Variants in TMEM204 observed in about 807,000 individuals in gnomAD.
TMEM204 encodes claudin-like protein 24.
Under a neutral mutation model 19.4 loss-of-function variants are expected in TMEM204, and 15 were observed. The observed-to-expected ratio is 0.77, with a 90% CI of 0.52 to 1.19. The LOEUF (loss-of-function observed/expected upper bound fraction) is 1.19. Ranked by LOEUF, TMEM204 falls within the 50% of genes most tolerant of loss-of-function variation. TMEM204 has a pLI of 0.00. For synonymous variants in TMEM204, 161 were observed against 146.0 expected, an observed-to-expected ratio of 1.10 and a Z score of -0.74; for missense variants, 287 against 321.2, an observed-to-expected ratio of 0.89 and a Z score of 0.81.
At chr16:1,543,314 TC>T (rs1291695125) in intron 2 of TMEM204, among the ~76,000 whole-genome samples, 1 of 152,238 alleles carries the variant, frequency 6.6e-6, no homozygotes, top group African/African-American at 2.4e-5. Context: ...CCCTTATCTT[TC>T]TTAAGAAATA....
At chr16:1,548,509 G>A (rs1008979549) in intron 2 of TMEM204, among the ~76,000 whole-genome samples, 2 of 152,212 alleles carry the variant, frequency 1.3e-5, no homozygotes, top group African/African-American at 4.8e-5. Context: ...TTGATTCCAT[G>A]GGCAGAATTT....
At chr16:1,540,800 G>A (rs891390387) in intron 1 of TMEM204, 1 of 982,190 alleles carries the variant, frequency 1.0e-6, no homozygotes, top group African/African-American at 1.7e-5. Flanking sequence ...ACTTAGTTTT[G>A]GGAATCGAAT....
At chr16:1,535,488 T>G (rs1360811411) in intron 1 of TMEM204, among the ~76,000 whole-genome samples, 1 of 152,208 alleles carries the variant, frequency 6.6e-6, no homozygotes, top group Non-Finnish European at 1.5e-5. Flanking sequence ...GACTCGGGGT[T>G]GGACGCTCCT....
chr16:1,541,901 T>G lies in TMEM204; in HGVS notation c.281-20T>G. The G allele has an allele frequency of 6.4e-7, 1 of 1,573,500 alleles. No individual in the cohort carries two copies. Among genetic ancestry groups the G allele is most frequent in the Non-Finnish European group, 8.6e-7 (1 of 1,158,428 alleles). On this transcript the variant is annotated intron_variant, in intron 1 of 2. Transcript: ENST00000566264. ...GAGCCCACCTGCACTCACCACTGCC[T>G]CTCTGCTCTTGGCCCACAGTGCAGT...
intron 1 of TMEM204, among the ~76,000 whole-genome samples, chr16:1,535,719 C>T (rs966563722): frequency 8.5e-5 from 13 of 152,362 alleles, no homozygotes; most frequent in African/African-American, 1.9e-4. Flanking sequence ...CAAGGTCCCA[C>T]GAGGGAATTC....
At chr16:1,539,493 CAGGT>C (rs2031414421) in intron 1 of TMEM204, among the ~76,000 whole-genome samples, 1 of 152,278 alleles carries the variant, frequency 6.6e-6, no homozygotes, top group African/African-American at 2.4e-5. Context: ...CATGCTGAGC[CAGGT>C]CCTCACCTGC....
At chr16:1,540,909 G>C in intron 1 of TMEM204, 1 of 985,452 alleles carries the variant, frequency 1.0e-6, no homozygotes, top group South Asian at 4.7e-5. Context: ...TCCAGGCTGA[G>C]TGTCTGTCAG....
intron 2 of TMEM204, among the ~76,000 whole-genome samples, chr16:1,548,049 T>C (rs540029575): frequency 6.6e-6 from 1 of 152,326 alleles, no homozygotes; most frequent in African/African-American, 2.4e-5. Flanking sequence ...TCGTCTCTTC[T>C]TTCCCTTCCA....
rs2032614704 is a variant in TMEM204, at chr16:1,551,292, G to A, written c.437-3490G>A. 6.6e-6 allele frequency among the ~76,000 whole-genome samples: 1 copy of A among 152,156 alleles called. No individual in the cohort carries two copies. The highest frequency in any genetic ancestry group is 6.5e-5 in the Admixed American group (1 of 15,278). On this transcript the variant is annotated intron_variant, in intron 2 of 2. Transcript: ENST00000566264. The surrounding 1 kb of genome is among the most constrained non-coding windows in gnomAD (Gnocchi z 4.0). ...CACAATGACCACGGCTGGCAGGGGT[G>A]GGCAGGTGCAACTCTAAGCCGAGGC...
intron 2 of TMEM204, among the ~76,000 whole-genome samples, chr16:1,542,555 C>T (rs903404897): frequency 6.6e-5 from 10 of 152,240 alleles, no homozygotes; most frequent in African/African-American, 2.4e-4. Context: ...AAGGCCAAGG[C>T]ATGTGCTCTG....
intron 2 of TMEM204, among the ~76,000 whole-genome samples, chr16:1,548,639 A>G (rs1282637910): frequency 6.6e-6 from 1 of 152,114 alleles, no homozygotes; most frequent in Non-Finnish European, 1.5e-5. Flanking sequence ...ATCTTAATAT[A>G]AAGATGGTGG....
chr16:1,546,597 G>A (rs1335702225), intron 2 of TMEM204, among the ~76,000 whole-genome samples: 3 of 152,124 alleles, frequency 2.0e-5, no homozygotes, highest in Non-Finnish European at 2.9e-5. Flanking sequence ...CGCATCCCAC[G>A]TGCTCCCTGG....
chr16:1,540,216 A>G (rs1261834597), intron 1 of TMEM204, among the ~76,000 whole-genome samples: 1 of 152,220 alleles, frequency 6.6e-6, no homozygotes, highest in African/African-American at 2.4e-5. Flanking sequence ...GCCAGGTGGG[A>G]AGCAGATGCC....
intron 1 of TMEM204, among the ~76,000 whole-genome samples, chr16:1,539,312 C>A (rs1389099800): frequency 2.6e-5 from 4 of 151,368 alleles, no homozygotes; most frequent in Non-Finnish European, 5.9e-5. Context: ...ACGTCCCATG[C>A]CTTGGGCCTC....
chr16:1,555,270 C>G lies in TMEM204; in HGVS notation c.*244C>G. ...TCCTGGTTAGCGCAACGCGGCTCCA[C>G]GACCACACGCACTTCAGGGTGGAAG... On this transcript the variant is annotated 3_prime_UTR_variant, in exon 3 of 3. Transcript: ENST00000566264. 2.0e-6 allele frequency: 1 copy of G among 511,362 alleles called. No homozygotes were observed. The highest frequency in any genetic ancestry group is 3.5e-6 in the Non-Finnish European group (1 of 287,506). The allele number at this position is 511,362 out of a possible 1,614,324, so 31.7% of individuals were successfully genotyped here.
At chr16:1,546,178 A>T (rs1165833800) in intron 2 of TMEM204, among the ~76,000 whole-genome samples, 1 of 152,228 alleles carries the variant, frequency 6.6e-6, no homozygotes, top group Non-Finnish European at 1.5e-5. Context: ...AATGGAAGGT[A>T]AAAGGTCATT....
intron 1 of TMEM204, among the ~76,000 whole-genome samples, chr16:1,536,899 T>TA (rs1331980819): frequency 6.6e-6 from 1 of 152,218 alleles, no homozygotes; most frequent in Non-Finnish European, 1.5e-5. Flanking sequence ...GAGGGGCTGC[T>TA]ACCTGCCACC....
chr16:1,530,058 C>T (rs896618519), upstream of TMEM204, among the ~76,000 whole-genome samples: 7 of 151,888 alleles, frequency 4.6e-5, no homozygotes, highest in Admixed American at 2.0e-4. Context: ...GCGTGATGGC[C>T]GCTTCGTAAA....
intron 2 of TMEM204, among the ~76,000 whole-genome samples, chr16:1,547,199 C>T (rs2032246601): frequency 6.6e-6 from 1 of 152,148 alleles, no homozygotes; most frequent in Non-Finnish European, 1.5e-5. Context: ...TGGCATATAA[C>T]CCAAAATTCC....
Sources: gnomAD v4.1 joint callset for allele counts (sites outside exome capture counted in the v4.1 genomes callset) on GRCh38, gnomAD v4.1.1 for gene constraint, Gnocchi (gnomAD v3.1) non-coding constraint, MANE v1.5 for transcripts, NCBI Gene and HGNC (gene_info 2026-07-23, HGNC 2026-07-21) for gene names.